Variants in SEMA4A observed in about 807,000 individuals in gnomAD.
SEMA4A encodes the protein semaphorin-4A.
Under a neutral mutation model 72.5 loss-of-function variants are expected in SEMA4A, and 52 were observed. That is an observed-to-expected ratio of 0.72 (90% CI 0.57 to 0.90). The LOEUF (loss-of-function observed/expected upper bound fraction) is 0.90, where lower values mean the gene tolerates loss of function less well. Among genes scored for constraint, SEMA4A ranks in the 40% least tolerant of loss-of-function variants. The pLI is 0.00. For synonymous variants in SEMA4A, 369 were observed against 393.1 expected (o/e 0.94, Z 0.73); for missense variants, 926 against 959.7 (o/e 0.96, Z 0.46).
Position 156,161,992 on chromosome 1 carries a change from G to GT in SEMA4A, c.983+475dup, listed in dbSNP as rs142806943. 1.4e-3 allele frequency among the ~76,000 whole-genome samples: 217 copies of GT among 152,354 alleles called. 3 individuals carry two copies. In the East Asian group the frequency reaches 0.039, roughly 28 times the overall value. On this transcript the variant is annotated intron_variant, in intron 9 of 14. Transcript: ENST00000368285. ...ATAAAAATAAAGTCGGCCGGGTGCG[G>GT]TGGCTCATGCCTGTAATCCCAGCAC... is the stretch of plus-strand genomic sequence containing the variant.
At chr1:156,169,802 G>A (rs1308295280) in intron 10 of SEMA4A, among the ~76,000 whole-genome samples, 1 of 151,546 alleles carries the variant, frequency 6.6e-6, no homozygotes, top group African/African-American at 2.4e-5. Flanking sequence ...CGAGGCACGT[G>A]GATCATGAGG....
intron 10 of SEMA4A, among the ~76,000 whole-genome samples, chr1:156,171,288 G>A (rs1654748701): frequency 6.6e-6 from 1 of 152,158 alleles, no homozygotes; most frequent in African/African-American, 2.4e-5. Flanking sequence ...ATCAAGACAC[G>A]GGTGTCCCAG....
intron 10 of SEMA4A, 159 bp downstream of exon 10, chr1:156,163,253 A>T: frequency 1.3e-6 from 1 of 766,548 alleles, no homozygotes; most frequent in African/African-American, 1.7e-5. Flanking sequence ...CCTATATTCC[A>T]CATGTGCCTA....
At chr1:156,174,063 A>C (rs1228851191) in intron 11 of SEMA4A, among the ~76,000 whole-genome samples, 1 of 152,116 alleles carries the variant, frequency 6.6e-6, no homozygotes, top group South Asian at 2.1e-4. Context: ...ATGAGCCAAA[A>C]TTGTGCCACT....
At chr1:156,158,675 T>G in intron 5 of SEMA4A, 44 bp from the exon 6 acceptor site, 5 of 1,504,238 alleles carry the variant, frequency 3.3e-6, no homozygotes, top group East Asian at 2.3e-5. Flanking sequence ...TTCCCAGATG[T>G]GAGACCTTGG....
Position 156,177,052 on chromosome 1 carries a change from G to A in SEMA4A, c.*55G>A, listed in dbSNP as rs907823501. On this transcript the variant is annotated 3_prime_UTR_variant, in exon 15 of 15. Coordinates refer to ENST00000368285, the MANE Select transcript of SEMA4A (RefSeq NM_022367.4). ...AGGCACCTGGCCATGCTGGCTGGGC[G>A]GCCCAAGCACAGCCCTGACTAGGAT... The A allele has an allele frequency of 6.0e-6, 9 of 1,510,466 alleles. No individual in the cohort carries two copies. The African/African-American group carries it at 6.9e-5, about 12-fold the overall frequency. The allele number at this position is 1,510,466 out of a possible 1,614,324, so 93.6% of individuals were successfully genotyped here.
chr1:156,161,351 C>G lies in SEMA4A; in HGVS notation c.816C>G (p.Asp272Glu). 6.2e-7 allele frequency: 1 copy of G among 1,610,812 alleles called. No individual in the cohort carries two copies. Among genetic ancestry groups the G allele is most frequent in the South Asian group, 1.1e-5 (1 of 90,964 alleles). ...GACTCCCCCTGTGCCCCCAGAATGACGTGGGCGGCGAAAAGCTGCTGCAGA... is the reference window on the plus strand; with the variant it reads ...GACTCCCCCTGTGCCCCCAGAATGAGGTGGGCGGCGAAAAGCTGCTGCAGA... The part of the protein sequence containing the change: ...TSRVARVCKN[D>E]VGGEKLLQKK... Residue 272 changes from aspartate (D) to glutamate (E), a missense_variant, in exon 9 of 15, where the codon GAC becomes GAG. Physicochemically the swap from Asp to Glu is conservative, Grantham distance 45 (BLOSUM62 2). Coordinates refer to ENST00000368285, the MANE Select transcript of SEMA4A (RefSeq NM_022367.4).
At chr1:156,166,285 C>T (rs2102978935) in intron 10 of SEMA4A, among the ~76,000 whole-genome samples, 2 of 152,204 alleles carry the variant, frequency 1.3e-5, no homozygotes, top group Middle Eastern at 6.8e-3. Context: ...TCAAGCAATA[C>T]ACCTGCTTTG....
At position 156,177,005 on chromosome 1, in the gene SEMA4A, G is replaced by C. The variant is rs569611594; in HGVS notation, c.*8G>C. The C allele has an allele frequency of 7.5e-6, 12 of 1,604,922 alleles. No individual in the cohort carries two copies. The highest frequency in any genetic ancestry group is 1.3e-5 in the African/African-American group (1 of 74,940). On this transcript the variant is annotated 3_prime_UTR_variant, in exon 15 of 15. Coordinates refer to ENST00000368285, the MANE Select transcript of SEMA4A (RefSeq NM_022367.4). ...GGCACTGAGGTAGCTTAAACTCTAG[G>C]CACAGGCCGGGGCTGCGGTGCAGGC...
upstream of SEMA4A, among the ~76,000 whole-genome samples, chr1:156,151,034 C>A (rs1022064757): frequency 6.6e-6 from 1 of 152,186 alleles, no homozygotes; most frequent in African/African-American, 2.4e-5. Flanking sequence ...CATTCCCAGC[C>A]AAGGTACTTC....
rs555741917 is a variant in SEMA4A at position 156,161,683 on chromosome 1, C to CTTTTTGTAAAT, written c.983+166_983+176dup. ...ACCTCTCAGGAATTTGACTCATGCC[C>CTTTTTGTAAAT]TTTTTGTAAATGGGAAAAATAAGAC... On this transcript the variant is annotated intron_variant, in intron 9 of 14. Transcript: ENST00000368285. 498 of 657,706 alleles carry CTTTTTGTAAAT rather than the reference C, an allele frequency of 7.6e-4. 6 individuals are homozygous for CTTTTTGTAAAT. The East Asian group carries it at 0.015, about 20-fold the overall frequency. 40.7% of individuals were successfully genotyped at this position (657,706 alleles called of 1,614,324 possible). A position where few individuals can be genotyped will look rare whatever the true frequency, so the allele number is the denominator to read the frequency against.
chr1:156,164,048 GAA>G (rs34436852), intron 10 of SEMA4A, among the ~76,000 whole-genome samples: 15 of 111,612 alleles, frequency 1.3e-4, no homozygotes, highest in East Asian at 2.6e-4. Context: ...GTTTTTAAAT[GAA>G]AAAAAAAAAA....
At position 156,176,742 on chromosome 1, in the gene SEMA4A, G is replaced by A. The variant is rs1367183237; in HGVS notation, c.2031G>A (p.Gln677=). 3.1e-6 allele frequency: 5 copies of A among 1,612,832 alleles called. No homozygotes were observed. The South Asian group carries it at 4.4e-5, about 14-fold the overall frequency. The change falls in exon 15 of 15, where the codon CAG becomes CAA. Residue 677 remains glutamine (Q), a synonymous_variant. Transcript: ENST00000368285. ...GTGGTGGGGCCGCCCTGGCTGCCCA[G>A]CAGTCCTACTGGCCCCACTTTGTCA... ...RVSGGAALAA[Q]QSYWPHFVTV... is the part of the protein sequence containing the mutation.
In SEMA4A at chr1:156,157,921, C is replaced by T. The variant is rs922481525; in HGVS notation, c.301-149C>T. The T allele has an allele frequency of 3.1e-5, 24 of 762,016 alleles. No homozygotes were observed. The highest frequency in any genetic ancestry group is 2.8e-4 in the Admixed American group (14 of 49,516). The allele number at this position is 762,016 out of a possible 1,614,324, so 47.2% of individuals were successfully genotyped here. ...ATTATTCAAGTAATAGCCATGGTCA[C>T]AAACTGATGTTATTACTGCCCATCA... On this transcript the variant is annotated intron_variant, in intron 3 of 14. Transcript: ENST00000368285. The surrounding 1 kb of genome is among the most constrained non-coding windows in gnomAD (Gnocchi z 4.5).
rs1001911063 is a variant in SEMA4A, at chr1:156,177,631, A to T, written c.*634A>T. On this transcript the variant is annotated 3_prime_UTR_variant, in exon 15 of 15. Transcript: ENST00000368285. ...GGCAGGGGTAATCTGAGCCTTCTTCACTCCTTTACCCTAGCTGACCCCTTC... is the reference window on the plus strand; with the variant it reads ...GGCAGGGGTAATCTGAGCCTTCTTCTCTCCTTTACCCTAGCTGACCCCTTC... 2.5e-5 allele frequency: 4 copies of T among 158,282 alleles called. No homozygotes were observed. The highest frequency in any genetic ancestry group is 9.7e-5 in the African/African-American group (4 of 41,068). The allele number at this position is 158,282 out of a possible 1,614,324, so 9.8% of individuals were successfully genotyped here.
intron 10 of SEMA4A, among the ~76,000 whole-genome samples, chr1:156,166,944 GGAAA>G (rs951001517): frequency 4.6e-5 from 7 of 151,554 alleles, no homozygotes; most frequent in African/African-American, 1.7e-4. Context: ...AAAAAAGAAA[GGAAA>G]GAAAGAAAAA....
At chr1:156,158,342 A>G in intron 4 of SEMA4A, 46 bp from the exon 5 acceptor site, 1 of 1,511,500 alleles carries the variant, frequency 6.6e-7, no homozygotes, top group Non-Finnish European at 9.2e-7. Context: ...GGGTCCAGCA[A>G]TTTGAGTCAG....
chr1:156,173,611 G>T (rs183850476), intron 11 of SEMA4A, among the ~76,000 whole-genome samples: 2 of 152,152 alleles, frequency 1.3e-5, no homozygotes, highest in Non-Finnish European at 2.9e-5. Context: ...TGGGTGGCGG[G>T]GGGGACAGCA....
At position 156,161,429 on chromosome 1, in the gene SEMA4A, G is replaced by T. The variant is rs139316699; in HGVS notation, c.894G>T (p.Gln298His). The T allele has an allele frequency of 3.1e-6, 5 of 1,607,832 alleles. No individual in the cohort carries two copies. In the East Asian group the frequency reaches 1.1e-4, roughly 36 times the overall value. The change falls in exon 9 of 15, where the codon CAG becomes CAT. Residue 298 changes from glutamine (Q) to histidine (H), a missense_variant. Physicochemically the swap from Gln to His is conservative, Grantham distance 24. Coordinates refer to ENST00000368285, the MANE Select transcript of SEMA4A (RefSeq NM_022367.4). Reference sequence around the variant, plus strand: ...AGCTGCTCTGCACCCAGCCGGGGCAGCTGCCCTTCAACGTCATCCGCCACG... The same window carrying T: ...AGCTGCTCTGCACCCAGCCGGGGCATCTGCCCTTCAACGTCATCCGCCACG... ...KAQLLCTQPG[Q>H]LPFNVIRHAV...
Sources: allele counts gnomAD v4.1 joint callset (sites outside exome capture counted in the v4.1 genomes callset), GRCh38; gene constraint gnomAD v4.1.1; non-coding constraint Gnocchi (gnomAD v3.1); transcripts MANE v1.5; gene names NCBI Gene and HGNC (gene_info 2026-07-23, HGNC 2026-07-21).